ARIH1: variants seen among roughly 807,000 people sequenced by gnomAD.
ARIH1 encodes ariadne RBR E3 ubiquitin protein ligase 1, also known as E3 ubiquitin-protein ligase ARIH1.
A neutral mutation model predicts 85.0 loss-of-function variants in ARIH1; 8 were observed. The observed-to-expected ratio is 0.09, with a 90% CI of 0.06 to 0.17. The LOEUF (loss-of-function observed/expected upper bound fraction) is 0.17, where lower values mean the gene tolerates loss of function less well. Ranked by LOEUF, ARIH1 falls within the 10% of genes least tolerant of loss-of-function variation. The pLI is 1.00. For missense variants in ARIH1, 311 were observed against 718.1 expected (o/e 0.43, Z 6.48); for synonymous variants, 238 against 253.6 (o/e 0.94, Z 0.59).
intron 1 of ARIH1, among the ~76,000 whole-genome samples, chr15:72,505,390 G>GT (rs543494144): frequency 3.3e-5 from 5 of 150,386 alleles, no homozygotes; most frequent in Admixed American, 1.3e-4. Flanking sequence ...TCAGTAGCTT[G>GT]TTTTTTTTCG....
At chr15:72,528,713 G>A (rs2140416322) in intron 2 of ARIH1, among the ~76,000 whole-genome samples, 1 of 152,218 alleles carries the variant, frequency 6.6e-6, no homozygotes, top group South Asian at 2.1e-4. Context: ...AAATTAGCTA[G>A]GTGTGGTGAT....
At chr15:72,517,328 T>G (rs948052483) in intron 1 of ARIH1, among the ~76,000 whole-genome samples, 1 of 152,186 alleles carries the variant, frequency 6.6e-6, no homozygotes, top group Admixed American at 6.5e-5. Flanking sequence ...TCACTCGAAC[T>G]CTGGGGCCTG....
intron 9 of ARIH1, among the ~76,000 whole-genome samples, chr15:72,568,782 T>C (rs557727947): frequency 2.2e-4 from 33 of 152,290 alleles, no homozygotes; most frequent in African/African-American, 7.9e-4. Context: ...CTTATGTGGG[T>C]GATTTCAAAA....
intron 1 of ARIH1, among the ~76,000 whole-genome samples, chr15:72,489,895 G>C (rs1473067894): frequency 6.6e-6 from 1 of 152,138 alleles, no homozygotes. Flanking sequence ...CAACCAGTTG[G>C]TTTTTAGGAA....
At position 72,583,978 on chromosome 15, in the gene ARIH1, A is replaced by T. The variant is rs2064305385; in HGVS notation, c.*686A>T. The T allele has an allele frequency of 6.6e-6, 1 of 152,238 alleles. No homozygotes were observed. Among genetic ancestry groups the T allele is most frequent in the African/African-American group, 2.4e-5 (1 of 41,468 alleles). 9.4% of individuals were successfully genotyped at this position (152,238 alleles called of 1,614,324 possible). On this transcript the variant is annotated 3_prime_UTR_variant, in exon 14 of 14. Coordinates refer to ENST00000379887, the MANE Select transcript of ARIH1 (RefSeq NM_005744.5). ...GTTTGCATAATGTTTAATTACAAAA[A>T]AATATTTATTCTTTAAAAATCTTCA...
intron 11 of ARIH1, among the ~76,000 whole-genome samples, chr15:72,579,242 C>T (rs2064285663): frequency 6.6e-6 from 1 of 152,084 alleles, no homozygotes; most frequent in African/African-American, 2.4e-5. Flanking sequence ...TCGTGTTGTC[C>T]TGTAGAGTTT....
intron 1 of ARIH1, among the ~76,000 whole-genome samples, chr15:72,495,340 A>G (rs1010289987): frequency 3.9e-5 from 6 of 152,160 alleles, no homozygotes; most frequent in African/African-American, 4.8e-5. Context: ...CCACTGAACT[A>G]CTTTTGAGAG....
At chr15:72,503,011 T>C (rs1232322003) in intron 1 of ARIH1, among the ~76,000 whole-genome samples, 1 of 152,208 alleles carries the variant, frequency 6.6e-6, no homozygotes, top group East Asian at 1.9e-4. Context: ...GTAAATTCTT[T>C]TAAAATGCAC....
chr15:72,501,333 A>C (rs533611029), intron 1 of ARIH1, among the ~76,000 whole-genome samples: 3 of 152,322 alleles, frequency 2.0e-5, no homozygotes, highest in Admixed American at 2.0e-4. Flanking sequence ...AGTTAGATGT[A>C]TGGTTTTCAA....
intron 11 of ARIH1, among the ~76,000 whole-genome samples, chr15:72,577,668 A>G (rs190130210): frequency 3.0e-3 from 450 of 152,236 alleles, no homozygotes; most frequent in Non-Finnish European, 5.5e-3. Context: ...GTGAGACTCC[A>G]TCTCAAAACA....
chr15:72,577,045 A>G (rs2140438653), intron 11 of ARIH1, among the ~76,000 whole-genome samples: 1 of 151,138 alleles, frequency 6.6e-6, no homozygotes, highest in Non-Finnish European at 1.5e-5. Context: ...TGCCAGTGGC[A>G]GGTCTCAGCT....
At position 72,564,818 on chromosome 15, in the gene ARIH1, G is replaced by A. The variant is rs188141891; in HGVS notation, c.911+1318G>A. Among the ~76,000 whole-genome samples the A allele has an allele frequency of 7.2e-5, 11 of 152,182 alleles. No individual in the cohort carries two copies. In the East Asian group the frequency reaches 1.4e-3, roughly 19 times the overall value. ...GTGCCTACTTGCTGGGTCCTCATAT[G>A]GTGGAAAGGACAAGGCAGCTCTCTG... On this transcript the variant is annotated intron_variant, in intron 7 of 13. Coordinates refer to ENST00000379887, the MANE Select transcript of ARIH1 (RefSeq NM_005744.5).
intron 1 of ARIH1, among the ~76,000 whole-genome samples, chr15:72,489,380 G>C (rs906147687): frequency 6.6e-6 from 1 of 151,872 alleles, no homozygotes; most frequent in African/African-American, 2.4e-5. Flanking sequence ...TCTGGCATTT[G>C]TGCTGATGTT....
At chr15:72,572,236 AATT>A (rs1310193337) in intron 11 of ARIH1, 71 bp downstream of exon 11, 2 of 1,013,808 alleles carry the variant, frequency 2.0e-6, no homozygotes, top group Non-Finnish European at 1.4e-6. Context: ...ATTAGAGAAT[AATT>A]TTTTTTTTTT....
In ARIH1 at chr15:72,474,461, C is replaced by A; in HGVS notation, c.-179C>A. The A allele has an allele frequency of 1.2e-6, 1 of 816,496 alleles. No homozygotes were observed. Among genetic ancestry groups the A allele is most frequent in the Non-Finnish European group, 1.8e-6 (1 of 549,262 alleles). 50.6% of individuals were successfully genotyped at this position (816,496 alleles called of 1,614,324 possible). On this transcript the variant is annotated 5_prime_UTR_variant, in exon 1 of 14. Coordinates refer to ENST00000379887, the MANE Select transcript of ARIH1 (RefSeq NM_005744.5). ...CCCTCCCTCCCTCCTCCGCGCCCTC[C>A]CCGCCGCCACCAGCCGTCAAACGCC...
At position 72,582,220 on chromosome 15, in the gene ARIH1, T is replaced by G; in HGVS notation, c.1589+33T>G. On this transcript the variant is annotated intron_variant, in intron 13 of 13. Coordinates refer to ENST00000379887, the MANE Select transcript of ARIH1 (RefSeq NM_005744.5). This position sits in a 1 kb window ranked among gnomAD's most constrained non-coding sequence, Gnocchi z 4.6. ...TTTTTTAAGCTGTTGAATAAAACTT[T>G]CTGCCAGTGATGATCCTTACTGGTA... is the stretch of plus-strand genomic sequence containing the variant. 1 of 1,468,510 alleles carries G rather than the reference T, an allele frequency of 6.8e-7. No homozygotes were observed. The highest frequency in any genetic ancestry group is 9.5e-7 in the Non-Finnish European group (1 of 1,054,128). 91.0% of individuals were successfully genotyped at this position (1,468,510 alleles called of 1,614,324 possible).
intron 1 of ARIH1, among the ~76,000 whole-genome samples, chr15:72,498,405 ATTGTTG>A (rs2063888841): frequency 1.3e-5 from 2 of 152,128 alleles, no homozygotes. Flanking sequence ...CAGTTTTCCT[ATTGTTG>A]GACATCTAAT....
rs1212063726 is a variant in ARIH1 at position 72,601,997 on chromosome 15, C to A, written c.*18705C>A. The A allele has an allele frequency of 1.3e-5, 2 of 152,094 alleles. No individual in the cohort carries two copies. The highest frequency in any genetic ancestry group is 2.9e-5 in the Non-Finnish European group (2 of 68,030). 9.4% of individuals were successfully genotyped at this position (152,094 alleles called of 1,614,324 possible). On this transcript the variant is annotated 3_prime_UTR_variant, in exon 14 of 14. Coordinates refer to ENST00000379887, the MANE Select transcript of ARIH1 (RefSeq NM_005744.5). ...TGCACTTTATCTGTTAATAATATATCTTGGCAATTATTCAATATTAATATG... is the reference window on the plus strand; with the variant it reads ...TGCACTTTATCTGTTAATAATATATATTGGCAATTATTCAATATTAATATG...
chr15:72,502,328 A>G (rs543175806), intron 1 of ARIH1, among the ~76,000 whole-genome samples: 4 of 152,362 alleles, frequency 2.6e-5, no homozygotes, highest in Admixed American at 6.5e-5. Flanking sequence ...ATAAATGTGC[A>G]AAGAACAGCA....
Sources: allele counts gnomAD v4.1 joint callset (sites outside exome capture counted in the v4.1 genomes callset), GRCh38; gene constraint gnomAD v4.1.1; non-coding constraint Gnocchi (gnomAD v3.1); transcripts MANE v1.5; gene names NCBI Gene and HGNC (gene_info 2026-07-23, HGNC 2026-07-21).